Variants in TSNARE1 observed in about 807,000 individuals in gnomAD.
TSNARE1 encodes t-SNARE domain-containing protein 1.
In TSNARE1, 49 loss-of-function variants were observed where a neutral mutation model predicts 62.0. That is an observed-to-expected ratio of 0.79 (90% CI 0.63 to 1.00). TSNARE1 has a LOEUF of 1.00. Among genes scored for constraint, TSNARE1 ranks in the 50% least tolerant of loss-of-function variants. The probability of loss-of-function intolerance (pLI) is 0.00; values close to 1 mark genes in which losing one functional copy is unlikely to be tolerated. For synonymous variants in TSNARE1, 328 were observed against 294.4 expected (o/e 1.11, Z -1.17); for missense variants, 755 against 700.1 (o/e 1.08, Z -0.88).
chr8:142,256,171 A>ACCACTG (rs1818524064), intron 12 of TSNARE1, among the ~76,000 whole-genome samples: 2 of 133,340 alleles, frequency 1.5e-5, no homozygotes, highest in East Asian at 2.4e-4. Context: ...CACCACCACC[A>ACCACTG]TCACCATCAC....
chr8:142,303,144 G>A (rs1372762633), intron 9 of TSNARE1, among the ~76,000 whole-genome samples: 2 of 152,318 alleles, frequency 1.3e-5, no homozygotes, highest in Non-Finnish European at 2.9e-5. Context: ...CAAAGAAGCT[G>A]TAGAGGCTGC....
intron 1 of TSNARE1, among the ~76,000 whole-genome samples, chr8:142,356,452 G>C (rs866549841): frequency 6.6e-6 from 1 of 152,206 alleles, no homozygotes; most frequent in African/African-American, 2.4e-5. Flanking sequence ...CTCTGAGAGC[G>C]GGTGGGATTC....
rs1823797050 is a variant in TSNARE1, at chr8:142,291,754, T to A, written c.1291-7269A>T. 6.6e-6 allele frequency among the ~76,000 whole-genome samples: 1 copy of A among 152,010 alleles called. No individual in the cohort carries two copies. The highest frequency in any genetic ancestry group is 2.4e-5 in the African/African-American group (1 of 41,382). ...AGCGGCAGGGGTTAGAGGACACCCC[T>A]GGAGTCAGGGCCTGCCAGTGAAAGG... On this transcript the variant is annotated intron_variant, in intron 10 of 13. Coordinates refer to ENST00000524325, the MANE Select transcript of TSNARE1 (RefSeq NM_145003.5). The surrounding 1 kb of genome is among the most constrained non-coding windows in gnomAD (Gnocchi z 4.8).
chr8:142,364,717 AC>A (rs1301933819), intron 1 of TSNARE1, among the ~76,000 whole-genome samples: 1 of 152,232 alleles, frequency 6.6e-6, no homozygotes, highest in Non-Finnish European at 1.5e-5. Context: ...GGACACAAGA[AC>A]CAGCTTGAAA....
At position 142,378,932 on chromosome 8, in the gene TSNARE1, G is replaced by A. The variant is rs143482261; in HGVS notation, c.-39-24169C>T. Among the ~76,000 whole-genome samples, 1,181 of 152,294 alleles carry A rather than the reference G, an allele frequency of 7.8e-3. 25 individuals carry two copies. Among genetic ancestry groups the A allele is most frequent in the South Asian group, 0.074 (355 of 4,822 alleles). On this transcript the variant is annotated intron_variant, in intron 1 of 13. Coordinates refer to ENST00000524325, the MANE Select transcript of TSNARE1 (RefSeq NM_145003.5). Reference sequence around the variant, plus strand: ...CGGGTGGCGCACCCTTCAACACCCAGGGCTGGCCCAGGCAGACACCCTTCC... The same window carrying A: ...CGGGTGGCGCACCCTTCAACACCCAAGGCTGGCCCAGGCAGACACCCTTCC...
intron 13 of TSNARE1, among the ~76,000 whole-genome samples, chr8:142,225,154 C>T (rs545050815): frequency 6.6e-6 from 1 of 151,804 alleles, no homozygotes; most frequent in African/African-American, 2.4e-5. Flanking sequence ...CTGCCTCCCC[C>T]CTCCCCCCAG....
intron 13 of TSNARE1, among the ~76,000 whole-genome samples, chr8:142,227,666 A>C (rs1403376546): frequency 6.6e-6 from 1 of 152,242 alleles, no homozygotes; most frequent in Admixed American, 6.5e-5. Context: ...ATGTGAACAC[A>C]CAGAAGCCCT....
intron 13 of TSNARE1, among the ~76,000 whole-genome samples, chr8:142,220,484 G>A (rs1311154996): frequency 4.6e-5 from 7 of 152,156 alleles, no homozygotes; most frequent in African/African-American, 1.7e-4. Context: ...AGCCACAGGA[G>A]ACCTCGGGGA....
intron 13 of TSNARE1, among the ~76,000 whole-genome samples, chr8:142,222,684 C>CACTCATCCACTCATT (rs1563755730): frequency 1.2e-5 from 1 of 86,672 alleles, no homozygotes; most frequent in Non-Finnish European, 2.1e-5. Flanking sequence ...ATCCACTCAT[C>CACTCATCCACTCATT]CACTCACTCA....
chr8:142,266,712 C>T (rs1364719325), intron 12 of TSNARE1, among the ~76,000 whole-genome samples: 3 of 152,180 alleles, frequency 2.0e-5, no homozygotes, highest in African/African-American at 2.4e-5. Context: ...TCAGTATGCT[C>T]GTGCTTCCTG....
intron 10 of TSNARE1, 126 bp from the exon 11 acceptor site, chr8:142,284,611 C>A: frequency 1.4e-6 from 1 of 737,394 alleles, no homozygotes; most frequent in Non-Finnish European, 2.4e-6. Context: ...AACCAGAGAA[C>A]AGCTGGGGAC....
chr8:142,241,736 A>G (rs912792035), intron 12 of TSNARE1, among the ~76,000 whole-genome samples: 2 of 152,228 alleles, frequency 1.3e-5, no homozygotes, highest in Non-Finnish European at 2.9e-5. Context: ...CAAAGTTGTC[A>G]CCAATACGTC....
chr8:142,353,329 A>T (rs918922575), intron 2 of TSNARE1, among the ~76,000 whole-genome samples: 2 of 151,724 alleles, frequency 1.3e-5, no homozygotes, highest in Non-Finnish European at 2.9e-5. Context: ...CTCCTGCCCA[A>T]CTCCTGGCAC....
At chr8:142,221,898 C>G (rs949873416) in intron 13 of TSNARE1, among the ~76,000 whole-genome samples, 1 of 147,918 alleles carries the variant, frequency 6.8e-6, no homozygotes, top group Non-Finnish European at 1.5e-5. Context: ...CTCATTCACT[C>G]ACTCATCCAC....
chr8:142,280,384 G>T, intron 11 of TSNARE1: 1 of 950,574 alleles, frequency 1.1e-6, no homozygotes, highest in Non-Finnish European at 1.3e-6. Flanking sequence ...AGCCAGGTTC[G>T]GGGTCACAGG....
chr8:142,402,613 G>A lies in TSNARE1; in HGVS notation c.-40+491C>T, dbSNP rs1318718291. Among the ~76,000 whole-genome samples, 2 of 152,246 alleles carry A rather than the reference G, an allele frequency of 1.3e-5. 1 individual carries two copies. The highest frequency in any genetic ancestry group is 2.9e-5 in the Non-Finnish European group (2 of 68,038). On this transcript the variant is annotated intron_variant, in intron 1 of 13. Coordinates refer to ENST00000524325, the MANE Select transcript of TSNARE1 (RefSeq NM_145003.5). ...TACAACTTGGAGAAGGGACAGAAAG[G>A]CATGGAGAGGCAAGCACACAGGAAC...
chr8:142,365,602 G>GTGCACACA (rs1554674592), intron 1 of TSNARE1, among the ~76,000 whole-genome samples: 4 of 144,404 alleles, frequency 2.8e-5, no homozygotes, highest in Non-Finnish European at 6.1e-5. Flanking sequence ...ACATGCACAC[G>GTGCACACA]CACACACACA....
intron 12 of TSNARE1, among the ~76,000 whole-genome samples, chr8:142,237,899 G>A (rs559241842): frequency 5.9e-5 from 9 of 152,270 alleles, no homozygotes; most frequent in South Asian, 2.1e-4. Context: ...TTAGAGAAGC[G>A]TCGGGTTGGG....
At position 142,318,652 on chromosome 8, in the gene TSNARE1, G is replaced by C. The variant is rs780670054; in HGVS notation, c.894-18C>G. On this transcript the variant is annotated intron_variant, in intron 6 of 13. Transcript: ENST00000524325. ...CCGTGTGCCTGGGGGCCGAGAAGGAGCCAGGAGCGAAGGCAGGGGAGGAAG... is the reference window on the plus strand; with the variant it reads ...CCGTGTGCCTGGGGGCCGAGAAGGACCCAGGAGCGAAGGCAGGGGAGGAAG... 1.1e-5 allele frequency: 18 copies of C among 1,613,016 alleles called. No homozygotes were observed. The highest frequency in any genetic ancestry group is 1.5e-5 in the Non-Finnish European group (18 of 1,179,796).
Sources: allele counts gnomAD v4.1 joint callset (sites outside exome capture counted in the v4.1 genomes callset), GRCh38; gene constraint gnomAD v4.1.1; non-coding constraint Gnocchi (gnomAD v3.1); transcripts MANE v1.5; gene names NCBI Gene and HGNC (gene_info 2026-07-23, HGNC 2026-07-21).